The following MRPS33 variants were observed in gnomAD, a reference collection of about 807,000 sequenced individuals.
MRPS33 encodes mitochondrial ribosomal protein S33.
MRPS33 carries 11 observed loss-of-function variants against 11.2 expected under a neutral mutation model. The observed-to-expected ratio is 0.99, with a 90% CI of 0.62 to 1.63. The LOEUF is 1.63. Among genes scored for constraint, MRPS33 ranks in the 40% most tolerant of loss-of-function variants. The probability of loss-of-function intolerance (pLI) is 0.00; values close to 1 mark genes in which losing one functional copy is unlikely to be tolerated. For missense variants in MRPS33, 109 were observed against 127.8 expected, an observed-to-expected ratio of 0.85 and a Z score of 0.71; for synonymous variants, 46 against 44.0, an observed-to-expected ratio of 1.05 and a Z score of -0.18.
At chr7:141,007,160 C>T (rs970351973) in intron 2 of MRPS33, among the ~76,000 whole-genome samples, 1 of 152,178 alleles carries the variant, frequency 6.6e-6, no homozygotes, top group African/African-American at 2.4e-5. Context: ...AAAAAGTCCA[C>T]ATCTTAAGCC....
rs538480425 is a variant in MRPS33 at position 141,010,242 on chromosome 7, T to C, written c.215+177A>G. 4 of 599,050 alleles carry C rather than the reference T, an allele frequency of 6.7e-6. No individual in the cohort carries two copies. In the East Asian group the frequency reaches 1.1e-4, roughly 17 times the overall value. The allele number at this position is 599,050 out of a possible 1,614,324, so 37.1% of individuals were successfully genotyped here. A position where few individuals can be genotyped will look rare whatever the true frequency, so the allele number is the denominator to read the frequency against. ...ACAAGCATGAATTTCCTTTTTTTTT[T>C]TGGTCTCTCCATTATGGGTATTTTG... On this transcript the variant is annotated intron_variant, in intron 2 of 2. Coordinates refer to ENST00000324787, the MANE Select transcript of MRPS33 (RefSeq NM_053035.3).
chr7:141,010,271 G>C, intron 2 of MRPS33, 148 bp downstream of exon 2: 1 of 691,346 alleles, frequency 1.4e-6, no homozygotes, highest in Non-Finnish European at 2.4e-6. Context: ...TATTTTGAAA[G>C]AAGACTTTCT....
chr7:141,004,420 A>T lies in MRPS33; in HGVS notation c.*2010T>A, dbSNP rs1278616852. On this transcript the variant is annotated 3_prime_UTR_variant, in exon 3 of 3. Coordinates refer to ENST00000324787, the MANE Select transcript of MRPS33 (RefSeq NM_053035.3). ...ACAGGCTATAAAATAGGCCCTAGCC[A>T]TACCATCTGGATTAGGTATCTTTAA... The T allele has an allele frequency of 2.0e-5, 3 of 152,240 alleles. No homozygotes were observed. Among genetic ancestry groups the T allele is most frequent in the African/African-American group, 7.2e-5 (3 of 41,470 alleles). 9.4% of individuals were successfully genotyped at this position (152,240 alleles called of 1,614,324 possible).
At position 141,006,333 on chromosome 7, in the gene MRPS33, T is replaced by G. The variant is rs1434741219; in HGVS notation, c.*97A>C. 2 of 1,034,514 alleles carry G rather than the reference T, an allele frequency of 1.9e-6. No individual in the cohort carries two copies. The highest frequency in any genetic ancestry group is 2.9e-6 in the Non-Finnish European group (2 of 687,696). The allele number at this position is 1,034,514 out of a possible 1,614,324, so 64.1% of individuals were successfully genotyped here. On this transcript the variant is annotated 3_prime_UTR_variant, in exon 3 of 3. Coordinates refer to ENST00000324787, the MANE Select transcript of MRPS33 (RefSeq NM_053035.3). ...TGTGTTCCTCCAAATAAACTTCATT[T>G]AGGAAGATGACATTCCTCCAATAGG... is the stretch of plus-strand genomic sequence containing the variant.
intron 2 of MRPS33, among the ~76,000 whole-genome samples, chr7:141,008,598 G>C (rs1820593480): frequency 6.6e-6 from 1 of 152,154 alleles, no homozygotes; most frequent in Non-Finnish European, 1.5e-5. Flanking sequence ...TTAGTGATCT[G>C]CAATGAATGT....
chr7:141,006,043 A>C lies in MRPS33; in HGVS notation c.*387T>G. 5.7e-6 allele frequency: 1 copy of C among 175,356 alleles called. No homozygotes were observed. Among genetic ancestry groups the C allele is most frequent in the Non-Finnish European group, 1.2e-5 (1 of 83,292 alleles). The allele number at this position is 175,356 out of a possible 1,614,324, so 10.9% of individuals were successfully genotyped here. On this transcript the variant is annotated 3_prime_UTR_variant, in exon 3 of 3. Coordinates refer to ENST00000324787, the MANE Select transcript of MRPS33 (RefSeq NM_053035.3). The stretch of plus-strand genomic sequence containing the variant: ...TGGCTGAAAGGCCCAAGATGAAAGA[A>C]GTTTAGGGCTGGGTGAGTCAGTAAG...
chr7:141,004,531 G>C lies in MRPS33; in HGVS notation c.*1899C>G, dbSNP rs1820477656. ...TTACAGAGAAAGAAAACTGTGGCTG[G>C]AGTAGCTGCTATACATACTCCAATA... is the stretch of plus-strand genomic sequence containing the variant. On this transcript the variant is annotated 3_prime_UTR_variant, in exon 3 of 3. Coordinates refer to ENST00000324787, the MANE Select transcript of MRPS33 (RefSeq NM_053035.3). The C allele has an allele frequency of 6.6e-6, 1 of 152,172 alleles. No homozygotes were observed. Among genetic ancestry groups the C allele is most frequent in the Non-Finnish European group, 1.5e-5 (1 of 68,042 alleles). The allele number at this position is 152,172 out of a possible 1,614,324, so 9.4% of individuals were successfully genotyped here. A position where few individuals can be genotyped will look rare whatever the true frequency, so the allele number is the denominator to read the frequency against.
rs1233955935 is a variant in MRPS33, at chr7:141,006,538, G to A, written c.216-3C>T. On this transcript the variant is annotated splice_polypyrimidine_tract_variant and splice_region_variant and intron_variant, in intron 2 of 2. Coordinates refer to ENST00000324787, the MANE Select transcript of MRPS33 (RefSeq NM_053035.3). Reference sequence around the variant, plus strand: ...CCATAAAATCCTGATGCTCATCTCTGAATGAAGAAGGAAAAAATAATTAAC... The same window carrying A: ...CCATAAAATCCTGATGCTCATCTCTAAATGAAGAAGGAAAAAATAATTAAC... 1.2e-6 allele frequency: 2 copies of A among 1,610,410 alleles called. No homozygotes were observed. The highest frequency in any genetic ancestry group is 1.7e-4 in the Middle Eastern group (1 of 6,052).
chr7:141,008,601 A>G (rs1350616365), intron 2 of MRPS33, among the ~76,000 whole-genome samples: 2 of 152,222 alleles, frequency 1.3e-5, no homozygotes, highest in Non-Finnish European at 2.9e-5. Context: ...GTGATCTGCA[A>G]TGAATGTTGT....
chr7:141,006,590 C>A, intron 2 of MRPS33, 55 bp from the exon 3 acceptor site: 1 of 1,437,958 alleles, frequency 7.0e-7, no homozygotes, highest in Non-Finnish European at 9.7e-7. Flanking sequence ...TAGAAAAGTA[C>A]ACTAATCTAG....
At chr7:141,007,773 G>C (rs1659183912) in intron 2 of MRPS33, among the ~76,000 whole-genome samples, 1 of 152,122 alleles carries the variant, frequency 6.6e-6, no homozygotes, top group African/African-American at 2.4e-5. Flanking sequence ...CAACGAGGCT[G>C]ACCCTGACTG....
chr7:141,005,733 T>C lies in MRPS33; in HGVS notation c.*697A>G, dbSNP rs1327784961. ...GGCTATCTCTCTCTGCATTCATCCA[T>C]CCATCCATGCTCTTATAGAAGTCTG... is the stretch of plus-strand genomic sequence containing the variant. On this transcript the variant is annotated 3_prime_UTR_variant, in exon 3 of 3. Transcript: ENST00000324787. The C allele has an allele frequency of 1.3e-5, 2 of 152,206 alleles. No homozygotes were observed. The highest frequency in any genetic ancestry group is 1.3e-4 in the Admixed American group (2 of 15,282). 9.4% of individuals were successfully genotyped at this position (152,206 alleles called of 1,614,324 possible).
intron 2 of MRPS33, 66 bp downstream of exon 2, chr7:141,010,353 T>A (rs1292426845): frequency 1.3e-6 from 2 of 1,507,948 alleles, no homozygotes; most frequent in Non-Finnish European, 1.8e-6. Context: ...GAAAGGCTAA[T>A]TTTTTTCCTT....
Position 141,006,378 on chromosome 7 carries a change from C to A in MRPS33, c.*52G>T. 6.7e-7 allele frequency: 1 copy of A among 1,482,226 alleles called. No individual in the cohort carries two copies. The highest frequency in any genetic ancestry group is 9.3e-7 in the Non-Finnish European group (1 of 1,069,610). The allele number at this position is 1,482,226 out of a possible 1,614,324, so 91.8% of individuals were successfully genotyped here. On this transcript the variant is annotated 3_prime_UTR_variant, in exon 3 of 3. Coordinates refer to ENST00000324787, the MANE Select transcript of MRPS33 (RefSeq NM_053035.3). ...AATAGGTGGAAAGACAATAAATGCA[C>A]TTTCTTCTCTCCGCCACTGAGGAAG...
At chr7:141,008,441 A>C (rs1721044522) in intron 2 of MRPS33, among the ~76,000 whole-genome samples, 1 of 152,208 alleles carries the variant, frequency 6.6e-6, no homozygotes, top group Non-Finnish European at 1.5e-5. Context: ...AGCAATTCCA[A>C]ACATTCAAAA....
rs1384744819 is a variant in MRPS33, at chr7:141,003,252, T to A, written c.*3178A>T. The A allele has an allele frequency of 1.3e-5, 2 of 152,186 alleles. No individual in the cohort carries two copies. The highest frequency in any genetic ancestry group is 2.9e-5 in the Non-Finnish European group (2 of 68,044). The allele number at this position is 152,186 out of a possible 1,614,324, so 9.4% of individuals were successfully genotyped here. A position where few individuals can be genotyped will look rare whatever the true frequency, so the allele number is the denominator to read the frequency against. ...CTAGTCTAAACTTGGAGTTAAAGAT[T>A]TTTTTCTGATTACACTTAGTCACCA... On this transcript the variant is annotated 3_prime_UTR_variant, in exon 3 of 3. Coordinates refer to ENST00000324787, the MANE Select transcript of MRPS33 (RefSeq NM_053035.3).
intron 1 of MRPS33, among the ~76,000 whole-genome samples, chr7:141,013,375 T>C (rs1294941777): frequency 6.6e-6 from 1 of 152,222 alleles, no homozygotes; most frequent in Non-Finnish European, 1.5e-5. Context: ...TATCATAAAA[T>C]CCAAGTCCTA....
In MRPS33 at chr7:141,003,388, T is replaced by C. The variant is rs1820451289; in HGVS notation, c.*3042A>G. The C allele has an allele frequency of 6.6e-6, 1 of 152,254 alleles. No individual in the cohort carries two copies. Among genetic ancestry groups the C allele is most frequent in the African/African-American group, 2.4e-5 (1 of 41,470 alleles). 9.4% of individuals were successfully genotyped at this position (152,254 alleles called of 1,614,324 possible). On this transcript the variant is annotated 3_prime_UTR_variant, in exon 3 of 3. Coordinates refer to ENST00000324787, the MANE Select transcript of MRPS33 (RefSeq NM_053035.3). ...TTCCAGCTGGTCCATCGTACTTCTG[T>C]ACAGGCTGTTTTGAGTCACACAGCT...
At chr7:141,007,665 C>T in intron 2 of MRPS33, among the ~76,000 whole-genome samples, 1 of 152,168 alleles carries the variant, frequency 6.6e-6, no homozygotes, top group East Asian at 1.9e-4. Flanking sequence ...CACCTCAAGG[C>T]CTTTGCTGTG....
Sources: allele counts gnomAD v4.1 joint callset (sites outside exome capture counted in the v4.1 genomes callset), GRCh38; gene constraint gnomAD v4.1.1; transcripts MANE v1.5; gene names NCBI Gene and HGNC (gene_info 2026-07-23, HGNC 2026-07-21).